LMX1A: variants seen among roughly 807,000 people sequenced by gnomAD.
The protein encoded by LMX1A is LIM homeobox transcription factor 1 alpha.
Under a neutral mutation model 49.1 loss-of-function variants are expected in LMX1A, and 15 were observed. That is an observed-to-expected ratio of 0.31 (90% CI 0.20 to 0.47). LMX1A has a LOEUF of 0.47. Among genes scored for constraint, LMX1A ranks in the 20% least tolerant of loss-of-function variants. The pLI, the probability that LMX1A is intolerant of heterozygous loss-of-function variation, is 1.00. For synonymous variants in LMX1A, 167 were observed against 185.7 expected, an observed-to-expected ratio of 0.90 and a Z score of 0.82; for missense variants, 372 against 475.8, an observed-to-expected ratio of 0.78 and a Z score of 2.03.
At chr1:165,342,600 T>C (rs1344696251) in intron 3 of LMX1A, among the ~76,000 whole-genome samples, 5 of 152,072 alleles carry the variant, frequency 3.3e-5, no homozygotes, top group African/African-American at 1.2e-4. Context: ...CAGCTTTGTG[T>C]GTGTGAAGGA....
At position 165,311,078 on chromosome 1, in the gene LMX1A, G is replaced by A. The variant is rs527671813; in HGVS notation, c.263+41998C>T. On this transcript the variant is annotated intron_variant, in intron 3 of 8. Transcript: ENST00000342310. ...CTTATCTGCAATCTCATCCACAGAT[G>A]TAATGGAATTCCGAGAACTAAGTAT... is the stretch of plus-strand genomic sequence containing the variant. 2.0e-5 allele frequency among the ~76,000 whole-genome samples: 3 copies of A among 152,302 alleles called. No individual in the cohort carries two copies. In the South Asian group the frequency reaches 6.2e-4, roughly 32 times the overall value.
intron 3 of LMX1A, among the ~76,000 whole-genome samples, chr1:165,303,847 C>T (rs1654848811): frequency 6.6e-6 from 1 of 152,108 alleles, no homozygotes; most frequent in Non-Finnish European, 1.5e-5. Context: ...CTGGGGTGGA[C>T]TTTAAAGCAG....
rs559568127 is a variant in LMX1A, at chr1:165,252,352, A to C, written c.264-2712T>G. 1.4e-4 allele frequency among the ~76,000 whole-genome samples: 21 copies of C among 152,362 alleles called. 1 individual carries two copies. The East Asian group carries it at 2.9e-3, about 21-fold the overall frequency. ...TCTTCTCTTCCTTGTCACTCCAGAG[A>C]AATCATAGTTCAGGGCAACCTATGA... is the stretch of plus-strand genomic sequence containing the variant. On this transcript the variant is annotated intron_variant, in intron 3 of 8. Transcript: ENST00000342310.
At chr1:165,227,040 C>T (rs566615188) in intron 4 of LMX1A, among the ~76,000 whole-genome samples, 22 of 152,198 alleles carry the variant, frequency 1.4e-4, no homozygotes, top group South Asian at 4.2e-4. Flanking sequence ...GGGAATACAA[C>T]GGAGGGGCAT....
Position 165,320,614 on chromosome 1 carries a change from A to G in LMX1A, c.263+32462T>C, listed in dbSNP as rs1301703860. 2.0e-5 allele frequency among the ~76,000 whole-genome samples: 3 copies of G among 152,342 alleles called. No individual in the cohort carries two copies. In the South Asian group the frequency reaches 6.2e-4, roughly 32 times the overall value. ...TCTCAAACCTAAAAGAGACGTTCAT[A>G]CATTCAGCAGAAACTTCAGAGGAAT... On this transcript the variant is annotated intron_variant, in intron 3 of 8. Transcript: ENST00000342310.
At chr1:165,351,065 T>C (rs1162353984) in intron 3 of LMX1A, among the ~76,000 whole-genome samples, 3 of 152,246 alleles carry the variant, frequency 2.0e-5, no homozygotes, top group Non-Finnish European at 2.9e-5. Flanking sequence ...TTAAGTACTT[T>C]ACAACAACTG....
chr1:165,220,144 T>A (rs998535207), intron 4 of LMX1A, among the ~76,000 whole-genome samples: 1 of 152,140 alleles, frequency 6.6e-6, no homozygotes, highest in African/African-American at 2.4e-5. Context: ...TTCCGAGTAC[T>A]GTGAGGGGAT....
chr1:165,304,134 T>C (rs2101727579), intron 3 of LMX1A, among the ~76,000 whole-genome samples: 1 of 152,218 alleles, frequency 6.6e-6, no homozygotes, highest in South Asian at 2.1e-4. Context: ...CACTCTTTAC[T>C]AATAGGGTAA....
At chr1:165,354,773 C>T (rs142451966) in intron 2 of LMX1A, among the ~76,000 whole-genome samples, 102 of 152,380 alleles carry the variant, frequency 6.7e-4, no homozygotes, top group African/African-American at 2.4e-3. Flanking sequence ...GCTTCCCAAA[C>T]TTGAAAAGCT....
chr1:165,262,507 A>G (rs1006671697), intron 3 of LMX1A, among the ~76,000 whole-genome samples: 5 of 152,222 alleles, frequency 3.3e-5, no homozygotes, highest in African/African-American at 9.6e-5. Context: ...CTCTATTAAA[A>G]TTAGTCAAGA....
chr1:165,255,218 G>A (rs532097929), intron 3 of LMX1A, among the ~76,000 whole-genome samples: 6 of 152,312 alleles, frequency 3.9e-5, no homozygotes, highest in East Asian at 1.9e-4. Context: ...AGACCTATGC[G>A]CTTAGCTTAG....
At chr1:165,225,543 T>C (rs1179938756) in intron 4 of LMX1A, among the ~76,000 whole-genome samples, 1 of 152,232 alleles carries the variant, frequency 6.6e-6, no homozygotes. Flanking sequence ...TGTCATTACT[T>C]GTAAAAGACA....
chr1:165,236,034 T>C (rs1652423354), intron 4 of LMX1A, among the ~76,000 whole-genome samples: 2 of 152,204 alleles, frequency 1.3e-5, no homozygotes, highest in Admixed American at 1.3e-4. Flanking sequence ...CCTGGAAGCT[T>C]CGCCCTGGAC....
chr1:165,219,314 A>AG (rs1041637206), intron 4 of LMX1A, among the ~76,000 whole-genome samples: 10 of 152,100 alleles, frequency 6.6e-5, no homozygotes, highest in African/African-American at 2.4e-4. Context: ...AGGGTGAGGG[A>AG]GGGGATGAGA....
At chr1:165,232,316 C>A (rs1413376631) in intron 4 of LMX1A, among the ~76,000 whole-genome samples, 7 of 152,212 alleles carry the variant, frequency 4.6e-5, no homozygotes, top group Non-Finnish European at 7.3e-5. Flanking sequence ...GAGAGGGAAG[C>A]ATTTTCCATT....
At chr1:165,320,678 T>C (rs777660861) in intron 3 of LMX1A, among the ~76,000 whole-genome samples, 1 of 152,186 alleles carries the variant, frequency 6.6e-6, no homozygotes, top group Non-Finnish European at 1.5e-5. Context: ...GTATTAATAT[T>C]TGCCTGGTCT....
At chr1:165,284,777 G>A (rs140371829) in intron 3 of LMX1A, among the ~76,000 whole-genome samples, 29 of 152,324 alleles carry the variant, frequency 1.9e-4, no homozygotes, top group African/African-American at 5.5e-4. Flanking sequence ...AGCACCCGCC[G>A]TAGCACCCTC....
chr1:165,212,195 T>C (rs1376822951), intron 5 of LMX1A, among the ~76,000 whole-genome samples: 2 of 152,232 alleles, frequency 1.3e-5, no homozygotes, highest in Admixed American at 1.3e-4. Context: ...TATCCTTCCC[T>C]CCCCTGCTCC....
At chr1:165,210,571 T>C (rs551968260) in intron 6 of LMX1A, 128 bp downstream of exon 6, 4 of 512,424 alleles carry the variant, frequency 7.8e-6, no homozygotes, top group East Asian at 6.6e-5. Context: ...AACAGAATTT[T>C]TGAATCAAGA....
Sources: gnomAD v4.1 joint callset for allele counts (sites outside exome capture counted in the v4.1 genomes callset) on GRCh38, gnomAD v4.1.1 for gene constraint, MANE v1.5 for transcripts, NCBI Gene and HGNC (gene_info 2026-07-23, HGNC 2026-07-21) for gene names.